IRF1: variants seen among roughly 807,000 people sequenced by gnomAD.
The protein encoded by IRF1 is interferon regulatory factor 1, also known as interferon regulatory factor-1.
In IRF1, 13 loss-of-function variants were observed where a neutral mutation model predicts 43.7. The observed-to-expected ratio is 0.30, with a 90% confidence interval of 0.19 to 0.47. IRF1 has a LOEUF of 0.47. Ranked by LOEUF, IRF1 falls within the 20% of genes least tolerant of loss-of-function variation. The pLI, the probability that IRF1 is intolerant of heterozygous loss-of-function variation, is 0.99. For missense variants in IRF1, 236 were observed against 408.9 expected, an observed-to-expected ratio of 0.58 and a Z score of 3.65; for synonymous variants, 138 against 146.8, an observed-to-expected ratio of 0.94 and a Z score of 0.43.
chr5:132,484,136 C>T (rs940071906), intron 9 of IRF1, 61 bp from the exon 10 acceptor site: 1 of 1,594,746 alleles, frequency 6.3e-7, no homozygotes, highest in Non-Finnish European at 8.6e-7. Flanking sequence ...TGTGCTTCCC[C>T]CTACCCCTGA....
chr5:132,485,949 ACCC>A (rs1754514071), intron 7 of IRF1: 3 of 564,866 alleles, frequency 5.3e-6, no homozygotes, highest in African/African-American at 5.0e-5. Context: ...TCCCACCCCT[ACCC>A]TACTTCCTTC....
Position 132,483,786 on chromosome 5 carries a change from G to T in IRF1, c.*165C>A. ...AAAAACCCAGACACTGGCCTGCCAG[G>T]CCCTGAGAGGTCAATGACCCAAGGA... On this transcript the variant is annotated 3_prime_UTR_variant, in exon 10 of 10. Transcript: ENST00000245414. 2.6e-6 allele frequency: 2 copies of T among 778,902 alleles called. No individual in the cohort carries two copies. Among genetic ancestry groups the T allele is most frequent in the Non-Finnish European group, 4.0e-6 (2 of 496,014 alleles). 48.2% of individuals were successfully genotyped at this position (778,902 alleles called of 1,614,324 possible).
At chr5:132,487,692 C>A in intron 3 of IRF1, 1 of 545,068 alleles carries the variant, frequency 1.8e-6, no homozygotes, top group Non-Finnish European at 3.3e-6. Context: ...CATCTAGCCA[C>A]AAACCCCCTG....
intron 3 of IRF1, 79 bp downstream of exon 3, chr5:132,487,847 T>C: frequency 3.2e-6 from 3 of 931,286 alleles, no homozygotes; most frequent in Non-Finnish European, 5.2e-6. Context: ...GGGACCCCAG[T>C]GAAGAGCCTC....
intron 8 of IRF1, chr5:132,485,393 G>A (rs1255666306): frequency 2.0e-6 from 1 of 492,630 alleles, no homozygotes; most frequent in African/African-American, 1.9e-5. Flanking sequence ...GCAGGCCAGG[G>A]ACCCATCGCT....
In IRF1 at chr5:132,490,292, A is replaced by C. The variant is rs946548420; in HGVS notation, c.-6+253T>G. The C allele has an allele frequency of 1.3e-5, 2 of 151,524 alleles. No homozygotes were observed. Among genetic ancestry groups the C allele is most frequent in the Non-Finnish European group, 2.9e-5 (2 of 67,804 alleles). 9.4% of individuals were successfully genotyped at this position (151,524 alleles called of 1,614,324 possible). A position where few individuals can be genotyped will look rare whatever the true frequency, so the allele number is the denominator to read the frequency against. On this transcript the variant is annotated intron_variant, in intron 1 of 9. Coordinates refer to ENST00000245414, the MANE Select transcript of IRF1 (RefSeq NM_002198.3). This position sits in a 1 kb window ranked among gnomAD's most constrained non-coding sequence, Gnocchi z 5.8. ...CTACAGGCCCCTGGCGGCTGCGCGC[A>C]CGCAGATCTGCGAAAGCTGCCGGGC...
intron 7 of IRF1, 134 bp from the exon 8 acceptor site, chr5:132,485,850 C>G (rs1754510147): frequency 3.3e-6 from 2 of 602,216 alleles, no homozygotes; most frequent in Non-Finnish European, 5.8e-6. Context: ...CACACACACA[C>G]CCTCCCGGTG....
At chr5:132,487,158 G>A (rs56285720) in intron 3 of IRF1, 28 bp from the exon 4 acceptor site, 294 of 1,609,482 alleles carry the variant, frequency 1.8e-4, no homozygotes, top group Non-Finnish European at 2.2e-4. Context: ...AAAGAGGATC[G>A]TCAGGGCCAT....
chr5:132,489,354 TA>T, intron 2 of IRF1, 37 bp downstream of exon 2: 1 of 1,489,786 alleles, frequency 6.7e-7, no homozygotes, highest in Non-Finnish European at 9.4e-7. Context: ...GTACATGGGT[TA>T]AAACAGTGGC....
Position 132,483,774 on chromosome 5 carries a change from C to T in IRF1, c.*177G>A. ...TTACACCACAAGAAAAACCCAGACA[C>T]TGGCCTGCCAGGCCCTGAGAGGTCA... is the stretch of plus-strand genomic sequence containing the variant. On this transcript the variant is annotated 3_prime_UTR_variant, in exon 10 of 10. Coordinates refer to ENST00000245414, the MANE Select transcript of IRF1 (RefSeq NM_002198.3). 1.4e-6 allele frequency: 1 copy of T among 703,006 alleles called. No individual in the cohort carries two copies. The allele number at this position is 703,006 out of a possible 1,614,324, so 43.5% of individuals were successfully genotyped here. A position where few individuals can be genotyped will look rare whatever the true frequency, so the allele number is the denominator to read the frequency against.
In IRF1 at chr5:132,485,877, A is replaced by C. The variant is rs1754512150; in HGVS notation, c.668-161T>G. On this transcript the variant is annotated intron_variant, in intron 7 of 9. Coordinates refer to ENST00000245414, the MANE Select transcript of IRF1 (RefSeq NM_002198.3). ...CTCCCGGTGGACCTATCTGCCATAGAGATTCCAGAACAGGACCCTGGCCTG... is the reference window on the plus strand; with the variant it reads ...CTCCCGGTGGACCTATCTGCCATAGCGATTCCAGAACAGGACCCTGGCCTG... The C allele has an allele frequency of 4.8e-6, 3 of 622,080 alleles. 1 individual carries two copies. The South Asian group carries it at 5.3e-5, about 11-fold the overall frequency. The allele number at this position is 622,080 out of a possible 1,614,324, so 38.5% of individuals were successfully genotyped here.
chr5:132,484,684 T>C (rs948788135), intron 8 of IRF1, 187 bp from the exon 9 acceptor site: 7 of 636,160 alleles, frequency 1.1e-5, no homozygotes, highest in Middle Eastern at 4.4e-4. Flanking sequence ...CAGAAATGCA[T>C]GTTGGCACTG....
rs769662785 is a variant in IRF1 at position 132,486,991 on chromosome 5, G to A, written c.327C>T (p.Tyr109=). The A allele has an allele frequency of 1.2e-6, 2 of 1,614,116 alleles. No homozygotes were observed. Among genetic ancestry groups the A allele is most frequent in the South Asian group, 1.1e-5 (1 of 91,076 alleles). The change falls in exon 4 of 10, where the codon TAC becomes TAT. Residue 109 remains tyrosine (Y), a synonymous_variant. Transcript: ENST00000245414. The stretch of plus-strand genomic sequence containing the variant: ...TCTTGGTGAGAGGTGGAAGCATCCG[G>A]TACACTCGCACAGCTGAGCTGCCCT... ...RNKGSSAVRV[Y]RMLPPLTKNQ... is the part of the protein sequence containing the mutation.
At position 132,487,015 on chromosome 5, in the gene IRF1, C is replaced by T. The variant is rs369003789; in HGVS notation, c.303G>A (p.Lys101=). Residue 101 remains lysine (K), a synonymous_variant, in exon 4 of 10, where the codon AAG becomes AAA. Coordinates refer to ENST00000245414, the MANE Select transcript of IRF1 (RefSeq NM_002198.3). ...GGTACACTCGCACAGCTGAGCTGCC[C>T]TTGTTCCTGCTCTGGTCTTTCACCT... The part of the protein sequence containing the change: ...IEEVKDQSRN[K]GSSAVRVYRM... The T allele has an allele frequency of 8.1e-6, 13 of 1,614,082 alleles. No homozygotes were observed. The highest frequency in any genetic ancestry group is 4.0e-5 in the African/African-American group (3 of 74,936).
chr5:132,488,144 T>C (rs561335941), intron 2 of IRF1, 119 bp from the exon 3 acceptor site: 2 of 715,142 alleles, frequency 2.8e-6, no homozygotes, highest in African/African-American at 3.6e-5. Flanking sequence ...TGACTTCCCC[T>C]TTTTTCCCCT....
At position 132,483,743 on chromosome 5, in the gene IRF1, C is replaced by A; in HGVS notation, c.*208G>T. On this transcript the variant is annotated 3_prime_UTR_variant, in exon 10 of 10. Transcript: ENST00000245414. ...AACCTCATCTTCCCAGGAGGCAGGG[C>A]CAGCTTTACACCACAAGAAAAACCC... is the stretch of plus-strand genomic sequence containing the variant. 1.8e-6 allele frequency: 1 copy of A among 561,276 alleles called. No individual in the cohort carries two copies. Among genetic ancestry groups the A allele is most frequent in the Non-Finnish European group, 3.1e-6 (1 of 319,076 alleles). The allele number at this position is 561,276 out of a possible 1,614,324, so 34.8% of individuals were successfully genotyped here. A position where few individuals can be genotyped will look rare whatever the true frequency, so the allele number is the denominator to read the frequency against.
In IRF1 at chr5:132,484,364, C is replaced by T. The variant is rs775766689; in HGVS notation, c.851G>A (p.Gly284Glu). 4 of 1,614,102 alleles carry T rather than the reference C, an allele frequency of 2.5e-6. No homozygotes were observed. Among genetic ancestry groups the T allele is most frequent in the Non-Finnish European group, 2.5e-6 (3 of 1,179,976 alleles). Residue 284 changes from glycine to glutamate, a missense_variant and splice_region_variant, in exon 9 of 10, where the codon GGG becomes GAG. Transcript: ENST00000245414. ...CKEEPEIDSP[G>E]GDIGLSLQRV... ...ATAAGGATCCAGGGCCTTCTTACCC[C>T]CTGGGCTGTCAATTTCTGGCTCCTC...
At chr5:132,489,633 AT>A (rs1754647187) in intron 1 of IRF1, 150 bp from the exon 2 acceptor site, 1 of 592,634 alleles carries the variant, frequency 1.7e-6, no homozygotes, top group African/African-American at 1.8e-5. Flanking sequence ...CTGCGCTGGA[AT>A]AAAACTGCTC....
At chr5:132,484,692 C>G (rs1754472358) in intron 8 of IRF1, 195 bp from the exon 9 acceptor site, 1 of 614,064 alleles carries the variant, frequency 1.6e-6, no homozygotes, top group South Asian at 2.1e-5. Context: ...CATGTTGGCA[C>G]TGGTCCTCAA....
Sources: allele counts gnomAD v4.1 joint callset, GRCh38; gene constraint gnomAD v4.1.1; non-coding constraint Gnocchi (gnomAD v3.1); transcripts MANE v1.5; gene names NCBI Gene and HGNC (gene_info 2026-07-23, HGNC 2026-07-21).